The following PDE7B variants were observed in gnomAD, a reference collection of about 807,000 sequenced individuals.
The protein encoded by PDE7B is phosphodiesterase 7B.
PDE7B carries 29 observed loss-of-function variants against 56.2 expected under a neutral mutation model. That is an observed-to-expected ratio of 0.52 (90% CI 0.38 to 0.70). The LOEUF is 0.70. Among genes scored for constraint, PDE7B ranks in the 30% least tolerant of loss-of-function variants. The probability of loss-of-function intolerance (pLI) is 0.00; values close to 1 mark genes in which losing one functional copy is unlikely to be tolerated. For synonymous variants in PDE7B, 197 were observed against 196.9 expected (o/e 1.00, Z 0.00); for missense variants, 490 against 565.0 (o/e 0.87, Z 1.35).
intron 2 of PDE7B, among the ~76,000 whole-genome samples, chr6:136,007,041 C>T (rs929687646): frequency 6.6e-6 from 1 of 152,024 alleles, no homozygotes; most frequent in Non-Finnish European, 1.5e-5. Flanking sequence ...TATTGGCTGA[C>T]GGTCTGTCAT....
At chr6:135,986,739 A>T (rs1775382759) in intron 2 of PDE7B, among the ~76,000 whole-genome samples, 1 of 152,232 alleles carries the variant, frequency 6.6e-6, no homozygotes, top group African/African-American at 2.4e-5. Flanking sequence ...TTTCTTCAAC[A>T]AGTTTTCTTT....
At chr6:135,974,270 A>C (rs1775145016) in intron 2 of PDE7B, among the ~76,000 whole-genome samples, 1 of 151,772 alleles carries the variant, frequency 6.6e-6, no homozygotes, top group Admixed American at 6.6e-5. Context: ...CAATTAACCA[A>C]ATCTCTCTGT....
intron 2 of PDE7B, among the ~76,000 whole-genome samples, chr6:135,988,188 G>C (rs2128204896): frequency 6.6e-6 from 1 of 151,894 alleles, no homozygotes; most frequent in East Asian, 2.0e-4. Context: ...AACTAAGAGG[G>C]AACACAACCC....
chr6:136,176,176 A>G (rs1778973894), intron 9 of PDE7B, among the ~76,000 whole-genome samples: 1 of 152,088 alleles, frequency 6.6e-6, no homozygotes, highest in Non-Finnish European at 1.5e-5. Flanking sequence ...TATTAACTAC[A>G]GTAACCATTT....
chr6:135,948,136 A>G (rs898716378), intron 2 of PDE7B, among the ~76,000 whole-genome samples: 3 of 151,958 alleles, frequency 2.0e-5, no homozygotes, highest in Non-Finnish European at 4.4e-5. Flanking sequence ...AGAAACAATT[A>G]TAGAGAATAT....
At position 136,192,742 on chromosome 6, in the gene PDE7B, G is replaced by A. The variant is rs1320537458; in HGVS notation, c.*902G>A. On this transcript the variant is annotated 3_prime_UTR_variant, in exon 13 of 13. Coordinates refer to ENST00000308191, the MANE Select transcript of PDE7B (RefSeq NM_018945.4). ...AAATACTGTTAGTTTTAATACAAGAGAATGCATTTGTAAATATGGTATAGA... is the reference window on the plus strand; with the variant it reads ...AAATACTGTTAGTTTTAATACAAGAAAATGCATTTGTAAATATGGTATAGA... 3 of 152,622 alleles carry A rather than the reference G, an allele frequency of 2.0e-5. No homozygotes were observed. Among genetic ancestry groups the A allele is most frequent in the Non-Finnish European group, 4.4e-5 (3 of 68,026 alleles). The allele number at this position is 152,622 out of a possible 1,614,324, so 9.5% of individuals were successfully genotyped here. A position where few individuals can be genotyped will look rare whatever the true frequency, so the allele number is the denominator to read the frequency against.
In PDE7B at chr6:135,892,291, G is replaced by C. The variant is rs1420743336; in HGVS notation, c.21+40272G>C. On this transcript the variant is annotated intron_variant, in intron 1 of 12. Transcript: ENST00000308191. Reference sequence around the variant, plus strand: ...ATTATATCGGCTTTCAGAAACGTGAGAATCAACTAATCCAGACTAACAAAA... The same window carrying C: ...ATTATATCGGCTTTCAGAAACGTGACAATCAACTAATCCAGACTAACAAAA... 2.0e-5 allele frequency among the ~76,000 whole-genome samples: 3 copies of C among 152,092 alleles called. No homozygotes were observed. In the East Asian group the frequency reaches 5.8e-4, roughly 29 times the overall value.
intron 2 of PDE7B, among the ~76,000 whole-genome samples, chr6:136,074,977 A>C (rs1777107571): frequency 6.6e-6 from 1 of 152,188 alleles, no homozygotes; most frequent in Non-Finnish European, 1.5e-5. Flanking sequence ...TGGTACAAAA[A>C]ATAATTTAAG....
chr6:135,932,336 A>G (rs191167874), intron 1 of PDE7B, among the ~76,000 whole-genome samples: 1 of 152,238 alleles, frequency 6.6e-6, no homozygotes, highest in East Asian at 1.9e-4. Flanking sequence ...CAATAGATAA[A>G]TGCTTGAGGG....
intron 2 of PDE7B, among the ~76,000 whole-genome samples, chr6:135,982,183 C>T (rs1156395154): frequency 6.6e-6 from 1 of 152,132 alleles, no homozygotes; most frequent in Admixed American, 6.6e-5. Context: ...ATGTATCAAG[C>T]ATATTGCCAA....
chr6:136,167,704 A>G (rs1262910595), intron 8 of PDE7B, among the ~76,000 whole-genome samples: 13 of 152,234 alleles, frequency 8.5e-5, no homozygotes, highest in Non-Finnish European at 1.6e-4. Flanking sequence ...TTCCAAGCAC[A>G]TATCACAGTG....
intron 2 of PDE7B, among the ~76,000 whole-genome samples, chr6:136,101,810 C>T (rs766911821): frequency 5.3e-5 from 8 of 152,118 alleles, no homozygotes; most frequent in East Asian, 1.9e-4. Context: ...TCATGGGTCC[C>T]GAGCTGTGGT....
intron 2 of PDE7B, among the ~76,000 whole-genome samples, chr6:135,990,868 A>T (rs1775467218): frequency 6.6e-6 from 1 of 152,228 alleles, no homozygotes; most frequent in South Asian, 2.1e-4. Context: ...GGACTAAAGA[A>T]TGGCTACTTC....
rs557241936 is a variant in PDE7B at position 136,186,649 on chromosome 6, G to A, written c.1046-387G>A. Among the ~76,000 whole-genome samples the A allele has an allele frequency of 6.6e-5, 10 of 152,308 alleles. No homozygotes were observed. In the East Asian group the frequency reaches 1.3e-3, roughly 21 times the overall value. ...TGAAACAAGACTAGGGTCAGGCAGC[G>A]TGAAAGTAGAGGAGGGAGAAGGAAG... is the stretch of plus-strand genomic sequence containing the variant. On this transcript the variant is annotated intron_variant, in intron 11 of 12. Transcript: ENST00000308191.
chr6:136,088,534 A>C lies in PDE7B; in HGVS notation c.83-20197A>C, dbSNP rs138874313. On this transcript the variant is annotated intron_variant, in intron 2 of 12. Transcript: ENST00000308191. ...AAGACAGCATTACCACCAATATCAT[A>C]AGGCAGAATAGGATTAGAAGTCAAG... Among the ~76,000 whole-genome samples the C allele has an allele frequency of 5.9e-4, 90 of 152,286 alleles. No homozygotes were observed. The East Asian group carries it at 8.7e-3, about 15-fold the overall frequency.
intron 2 of PDE7B, among the ~76,000 whole-genome samples, chr6:135,954,669 TG>T (rs1201851012): frequency 1.3e-5 from 2 of 152,174 alleles, no homozygotes; most frequent in East Asian, 3.8e-4. Flanking sequence ...TGGAGCATTG[TG>T]CTGAGAATAC....
intron 3 of PDE7B, among the ~76,000 whole-genome samples, chr6:136,145,266 C>T (rs12212116): frequency 6.6e-6 from 1 of 152,052 alleles, no homozygotes; most frequent in African/African-American, 2.4e-5. Context: ...TCCATTCTTT[C>T]GTTATTCATT....
intron 2 of PDE7B, among the ~76,000 whole-genome samples, chr6:136,055,224 G>A (rs533695642): frequency 2.5e-4 from 38 of 152,338 alleles, no homozygotes; most frequent in Non-Finnish European, 4.0e-4. Flanking sequence ...TGGTAGATAT[G>A]CCCATGATGG....
chr6:136,144,733 G>A (rs1312763185), intron 3 of PDE7B, among the ~76,000 whole-genome samples: 2 of 152,092 alleles, frequency 1.3e-5, no homozygotes, highest in African/African-American at 4.8e-5. Context: ...CATTTTTTAA[G>A]AGAGCACAGG....
Sources: gnomAD v4.1 joint callset for allele counts (sites outside exome capture counted in the v4.1 genomes callset) on GRCh38, gnomAD v4.1.1 for gene constraint, MANE v1.5 for transcripts, NCBI Gene and HGNC (gene_info 2026-07-23, HGNC 2026-07-21) for gene names.